GTF3C1: variants seen among roughly 807,000 people sequenced by gnomAD.
GTF3C1 encodes general transcription factor 3C polypeptide 1.
In GTF3C1, 57 loss-of-function variants were observed where a neutral mutation model predicts 226.7. That is an observed-to-expected ratio of 0.25 (90% confidence interval 0.20 to 0.31). The LOEUF (loss-of-function observed/expected upper bound fraction) is 0.31, where lower values mean the gene tolerates loss of function less well. GTF3C1 is among the 10% of genes least tolerant of loss of function. GTF3C1 has a pLI of 1.00. For missense variants in GTF3C1, 2,217 were observed against 2,776.1 expected, an observed-to-expected ratio of 0.80 and a Z score of 4.53; for synonymous variants, 1,090 against 1,084.8, an observed-to-expected ratio of 1.00 and a Z score of -0.09.
intron 6 of GTF3C1, among the ~76,000 whole-genome samples, chr16:27,525,178 AAAG>A (rs774299648): frequency 7.7e-6 from 1 of 129,250 alleles, no homozygotes; most frequent in South Asian, 2.2e-4. Flanking sequence ...AAAAGAAAAG[AAAG>A]AAATAAAAGA....
chr16:27,527,308 A>G (rs2088847451), intron 6 of GTF3C1, among the ~76,000 whole-genome samples: 1 of 152,198 alleles, frequency 6.6e-6, no homozygotes, highest in Admixed American at 6.5e-5. Context: ...CAGCCTCCTG[A>G]GTAGCTGGGA....
intron 13 of GTF3C1, 24 bp downstream of exon 13, chr16:27,498,606 T>G: frequency 8.1e-7 from 1 of 1,231,820 alleles, no homozygotes; most frequent in Non-Finnish European, 1.2e-6. Flanking sequence ...TTGCTATGGG[T>G]TCTTCCCGGG....
chr16:27,503,664 T>C (rs780589225), intron 10 of GTF3C1, among the ~76,000 whole-genome samples: 1 of 152,234 alleles, frequency 6.6e-6, no homozygotes, highest in Non-Finnish European at 1.5e-5. Context: ...TGTAATGTCT[T>C]TCTCTCTTAA....
At chr16:27,489,496 AGGCCGTCTG>A (rs2088199160) in intron 20 of GTF3C1, 97 bp downstream of exon 20, 1 of 844,356 alleles carries the variant, frequency 1.2e-6, no homozygotes, top group Admixed American at 2.4e-5. Context: ...CCGGAGACAC[AGGCCGTCTG>A]GCCTGACATC....
chr16:27,474,493 A>T lies in GTF3C1; in HGVS notation c.4353+1958T>A, dbSNP rs114245784. Among the ~76,000 whole-genome samples the T allele has an allele frequency of 6.7e-3, 1,020 of 152,318 alleles. 14 individuals are homozygous for T. Among genetic ancestry groups the T allele is most frequent in the African/African-American group, 0.024 (978 of 41,572 alleles). On this transcript the variant is annotated intron_variant, in intron 29 of 36. Coordinates refer to ENST00000356183, the MANE Select transcript of GTF3C1 (RefSeq NM_001520.4). ...AAGTCCCCTCCAGCTCTGAGCCACTAATCAGCAGGATAGCTGGAAGGCCCA... is the reference window on the plus strand; with the variant it reads ...AAGTCCCCTCCAGCTCTGAGCCACTTATCAGCAGGATAGCTGGAAGGCCCA...
At chr16:27,529,982 T>A (rs768363502) in intron 5 of GTF3C1, among the ~76,000 whole-genome samples, 1 of 152,218 alleles carries the variant, frequency 6.6e-6, no homozygotes, top group Non-Finnish European at 1.5e-5. Flanking sequence ...TGCTTGTGGG[T>A]ATCACCCTCC....
chr16:27,469,967 C>T lies in GTF3C1; in HGVS notation c.4814+141G>A, dbSNP rs1282128445. 4.1e-6 allele frequency: 3 copies of T among 725,454 alleles called. No homozygotes were observed. The highest frequency in any genetic ancestry group is 7.1e-6 in the Non-Finnish European group (3 of 423,608). 44.9% of individuals were successfully genotyped at this position (725,454 alleles called of 1,614,324 possible). A position where few individuals can be genotyped will look rare whatever the true frequency, so the allele number is the denominator to read the frequency against. On this transcript the variant is annotated intron_variant, in intron 31 of 36. Transcript: ENST00000356183. This position sits in a 1 kb window ranked among gnomAD's most constrained non-coding sequence, Gnocchi z 4.5. ...AGGCACCAGCAGAGGACACCTTAGA[C>T]ACCGGCCTATAATCCCCAGTCACTC...
intron 2 of GTF3C1, among the ~76,000 whole-genome samples, 191 bp downstream of exon 2, chr16:27,545,123 T>A (rs547964083): frequency 1.3e-5 from 2 of 152,288 alleles, no homozygotes; most frequent in South Asian, 2.1e-4. Flanking sequence ...ATTATGGGCA[T>A]GTGCCACCAC....
chr16:27,461,616 A>G lies in GTF3C1; in HGVS notation c.6118-54T>C. 7.4e-7 allele frequency: 1 copy of G among 1,343,370 alleles called. No homozygotes were observed. Among genetic ancestry groups the G allele is most frequent in the Non-Finnish European group, 1.1e-6 (1 of 942,268 alleles). The allele number at this position is 1,343,370 out of a possible 1,614,324, so 83.2% of individuals were successfully genotyped here. On this transcript the variant is annotated intron_variant, in intron 36 of 36. Coordinates refer to ENST00000356183, the MANE Select transcript of GTF3C1 (RefSeq NM_001520.4). This position sits in a 1 kb window ranked among gnomAD's most constrained non-coding sequence, Gnocchi z 5.3. The stretch of plus-strand genomic sequence containing the variant: ...CGGCACTGCCCTCGCCTGCTTGTTG[A>G]TTTATTCTTCAAGCATTTATGGAAT...
At chr16:27,547,574 C>T (rs1467660947) in intron 1 of GTF3C1, among the ~76,000 whole-genome samples, 1 of 152,170 alleles carries the variant, frequency 6.6e-6, no homozygotes, top group East Asian at 1.9e-4. Flanking sequence ...GTAAGCCAGA[C>T]CATGACTAGA....
At chr16:27,543,570 T>A (rs2089120702) in intron 2 of GTF3C1, among the ~76,000 whole-genome samples, 1 of 152,110 alleles carries the variant, frequency 6.6e-6, no homozygotes, top group Non-Finnish European at 1.5e-5. Context: ...TTTGTTTTTT[T>A]AATTTTTTGT....
Position 27,506,942 on chromosome 16 carries a change from C to A in GTF3C1, c.1457G>T (p.Ser486Ile), listed in dbSNP as rs768109948. 1.2e-6 allele frequency: 2 copies of A among 1,613,738 alleles called. No individual in the cohort carries two copies. The highest frequency in any genetic ancestry group is 2.2e-5 in the East Asian group (1 of 44,874). Residue 486 changes from serine to isoleucine, a missense_variant, in exon 9 of 37, where the codon AGC (serine) becomes ATC (isoleucine). Around this residue, in one of 12 missense-constraint regions of GTF3C1, gnomAD observed 173 missense variants for 207.2 expected, o/e 0.83. Coordinates refer to ENST00000356183, the MANE Select transcript of GTF3C1 (RefSeq NM_001520.4). ...SESDSEEERS[S>I]SKRRGRGSQK... ...GGACCCTCTGCCTCTCCGCTTGCTG[C>A]TGCTCCTCTCCTCCTCACTGTCCGA...
At chr16:27,533,185 C>T in intron 5 of GTF3C1, 106 bp downstream of exon 5, 1 of 605,570 alleles carries the variant, frequency 1.7e-6, no homozygotes, top group Non-Finnish European at 3.0e-6. Context: ...TGCATCAAAT[C>T]CAGAATAGGG....
intron 10 of GTF3C1, among the ~76,000 whole-genome samples, chr16:27,503,211 C>A (rs1226087079): frequency 6.6e-6 from 1 of 152,158 alleles, no homozygotes; most frequent in Non-Finnish European, 1.5e-5. Flanking sequence ...GGACCCCGGA[C>A]CACTTTATGA....
intron 6 of GTF3C1, among the ~76,000 whole-genome samples, chr16:27,525,230 C>G (rs1315297032): frequency 6.8e-6 from 1 of 146,538 alleles, no homozygotes; most frequent in Non-Finnish European, 1.5e-5. Flanking sequence ...AATCACCTAA[C>G]AGTTAAGTCC....
intron 6 of GTF3C1, among the ~76,000 whole-genome samples, chr16:27,526,843 C>CT (rs2141435393): frequency 6.6e-6 from 1 of 152,352 alleles, no homozygotes; most frequent in South Asian, 2.1e-4. Flanking sequence ...ACTGAGAACT[C>CT]TGACCTGCAG....
chr16:27,488,669 G>A (rs2088181409), intron 21 of GTF3C1, 34 bp from the exon 22 acceptor site: 3 of 1,535,692 alleles, frequency 2.0e-6, no homozygotes, highest in Non-Finnish European at 2.7e-6. Context: ...GATGAAGCAT[G>A]AGCTTCCACA....
At position 27,537,696 on chromosome 16, in the gene GTF3C1, C is replaced by T. The variant is rs73533041; in HGVS notation, c.752+88G>A. On this transcript the variant is annotated intron_variant, in intron 4 of 36. Transcript: ENST00000356183. ...GGGCTATGATTACAGGTATGAGCCACTGTACCCAGCTGCCCCTACAATTTT... is the reference window on the plus strand; with the variant it reads ...GGGCTATGATTACAGGTATGAGCCATTGTACCCAGCTGCCCCTACAATTTT... 7.7e-3 allele frequency: 7,026 copies of T among 916,216 alleles called. 339 individuals carry two copies. The African/African-American group carries it at 0.1, about 14-fold the overall frequency. 56.8% of individuals were successfully genotyped at this position (916,216 alleles called of 1,614,324 possible).
At chr16:27,506,640 C>T (rs188335017) in intron 9 of GTF3C1, among the ~76,000 whole-genome samples, 4 of 152,178 alleles carry the variant, frequency 2.6e-5, no homozygotes, top group South Asian at 4.1e-4. Context: ...ACACGTGCCA[C>T]GAAGAAATGA....
Sources: gnomAD v4.1 joint callset for allele counts (sites outside exome capture counted in the v4.1 genomes callset) on GRCh38, gnomAD v4.1.1 for gene constraint, gnomAD v4.1.1 regional missense constraint, Gnocchi (gnomAD v3.1) non-coding constraint, MANE v1.5 for transcripts, NCBI Gene and HGNC (gene_info 2026-07-23, HGNC 2026-07-21) for gene names.